Variants in CCDC73 observed in about 807,000 individuals in gnomAD.
CCDC73 encodes coiled-coil domain-containing protein 73.
A neutral mutation model predicts 116.5 loss-of-function variants in CCDC73; 95 were observed. The observed-to-expected ratio is 0.82, with a 90% confidence interval of 0.69 to 0.97. CCDC73 has a LOEUF of 0.97. Among genes scored for constraint, CCDC73 ranks in the 50% least tolerant of loss-of-function variants. The probability of loss-of-function intolerance (pLI) is 0.00; values close to 1 mark genes in which losing one functional copy is unlikely to be tolerated. For missense variants in CCDC73, 1,066 were observed against 1,206.8 expected (o/e 0.88, Z 1.73); for synonymous variants, 398 against 401.3 (o/e 0.99, Z 0.10).
At chr11:32,632,163 G>A (rs1792612102) in intron 14 of CCDC73, among the ~76,000 whole-genome samples, 1 of 152,170 alleles carries the variant, frequency 6.6e-6, no homozygotes, top group African/African-American at 2.4e-5. Flanking sequence ...CTATCTTGGT[G>A]AATATTTCAT....
At chr11:32,618,978 C>A (rs1055178972) in intron 14 of CCDC73, among the ~76,000 whole-genome samples, 2 of 152,116 alleles carry the variant, frequency 1.3e-5, no homozygotes, top group African/African-American at 4.8e-5. Flanking sequence ...CATATGTCTT[C>A]TTTTGAGAGG....
chr11:32,777,431 A>C (rs1850547775), intron 1 of CCDC73, among the ~76,000 whole-genome samples: 1 of 152,092 alleles, frequency 6.6e-6, no homozygotes, highest in Non-Finnish European at 1.5e-5. Flanking sequence ...GAAGAAATAA[A>C]AACCAGTTTT....
At chr11:32,711,695 T>C (rs922980576) in intron 3 of CCDC73, among the ~76,000 whole-genome samples, 16 of 152,104 alleles carry the variant, frequency 1.1e-4, no homozygotes, top group African/African-American at 2.7e-4. Flanking sequence ...ACCAAAATCT[T>C]GGAAATGACC....
intron 9 of CCDC73, among the ~76,000 whole-genome samples, chr11:32,662,870 T>C (rs1363206691): frequency 1.3e-5 from 2 of 152,136 alleles, no homozygotes; most frequent in Non-Finnish European, 2.9e-5. Flanking sequence ...TTGTATAAGG[T>C]GTAAGGAAGG....
chr11:32,789,361 C>T (rs985430188), intron 1 of CCDC73, among the ~76,000 whole-genome samples: 1 of 152,012 alleles, frequency 6.6e-6, no homozygotes, highest in Non-Finnish European at 1.5e-5. Flanking sequence ...GAAGAAGAAA[C>T]CTAAATCCAA....
the CCDC73 span, among the ~76,000 whole-genome samples, chr11:32,799,813 A>G: frequency 6.6e-6 from 1 of 152,226 alleles, no homozygotes; most frequent in Non-Finnish European, 1.5e-5. Flanking sequence ...GAAGTAAATG[A>G]ATAGGTTTCT....
chr11:32,607,321 T>C (rs1172049007), intron 17 of CCDC73, among the ~76,000 whole-genome samples: 1 of 151,012 alleles, frequency 6.6e-6, no homozygotes, highest in African/African-American at 2.4e-5. Context: ...CTCGATCTCC[T>C]GACCTCGTGA....
chr11:32,737,299 T>C (rs959701956), intron 2 of CCDC73, among the ~76,000 whole-genome samples: 3 of 149,250 alleles, frequency 2.0e-5, no homozygotes, highest in Non-Finnish European at 4.4e-5. Flanking sequence ...TAGGATATTT[T>C]GACACAGGCA....
intron 15 of CCDC73, 110 bp downstream of exon 15, chr11:32,615,830 A>G (rs970104354): frequency 1.9e-6 from 2 of 1,034,954 alleles, no homozygotes; most frequent in African/African-American, 1.7e-5. Flanking sequence ...GAATCCAAAA[A>G]GACTAGGAAT....
chr11:32,709,298 G>GT (rs113368045), intron 3 of CCDC73, among the ~76,000 whole-genome samples: 9,134 of 151,754 alleles, frequency 0.06, 394 homozygotes, highest in South Asian at 0.15. Flanking sequence ...TGTTGGATTT[G>GT]TTTTTTTTGT....
chr11:32,702,607 C>T (rs1421949700), intron 4 of CCDC73, among the ~76,000 whole-genome samples: 2 of 152,146 alleles, frequency 1.3e-5, no homozygotes, highest in African/African-American at 4.8e-5. Context: ...ATCCCATTCA[C>T]CTAAATTATT....
intron 6 of CCDC73, among the ~76,000 whole-genome samples, chr11:32,685,267 A>AG (rs1856186473): frequency 4.0e-5 from 1 of 25,266 alleles, no homozygotes; most frequent in Admixed American, 5.1e-4. Context: ...ACACTGGACC[A>AG]AAAAAAAAAA....
At chr11:32,820,986 T>C in the CCDC73 span, among the ~76,000 whole-genome samples, 3 of 152,216 alleles carry the variant, frequency 2.0e-5, no homozygotes, top group African/African-American at 7.2e-5. Flanking sequence ...CTGTCATATA[T>C]GTTGCAAATA....
At chr11:32,765,365 G>A (rs906763866) in intron 1 of CCDC73, among the ~76,000 whole-genome samples, 3 of 149,184 alleles carry the variant, frequency 2.0e-5, no homozygotes, top group African/African-American at 7.4e-5. Context: ...ATAGTTGGAA[G>A]TTAAGCACTC....
chr11:32,798,537 C>T (rs560559015), upstream of CCDC73, among the ~76,000 whole-genome samples: 1 of 152,342 alleles, frequency 6.6e-6, no homozygotes, highest in South Asian at 2.1e-4. Context: ...AACTCCTGGG[C>T]TCAAGTGATC....
chr11:32,685,277 A>C (rs969910008), intron 6 of CCDC73, among the ~76,000 whole-genome samples: 1 of 150,776 alleles, frequency 6.6e-6, no homozygotes, highest in African/African-American at 2.4e-5. Flanking sequence ...AAAAAAAAAA[A>C]AAAAAAAAAA....
Position 32,614,721 on chromosome 11 carries a change from A to T in CCDC73, c.1597T>A (p.Ser533Thr). The part of the protein sequence containing the change: ...EKDNGCTEFK[S>T]PNNHFVVLDT... The stretch of plus-strand genomic sequence containing the variant: ...AACACTACAAAATGATTATTTGGTG[A>T]TTTAAATTCTGTACATCCATTGTCT... The change falls in exon 16 of 18, where the codon TCA (serine) becomes ACA (threonine). Residue 533 changes from serine (S) to threonine (T), a missense_variant. Physicochemically the swap from Ser to Thr is moderately conservative, Grantham distance 58 (BLOSUM62 1). Coordinates refer to ENST00000335185, the MANE Select transcript of CCDC73 (RefSeq NM_001008391.4). 6.2e-7 allele frequency: 1 copy of T among 1,611,806 alleles called. No individual in the cohort carries two copies. Among genetic ancestry groups the T allele is most frequent in the African/African-American group, 1.3e-5 (1 of 74,940 alleles).
intron 1 of CCDC73, among the ~76,000 whole-genome samples, chr11:32,767,571 A>C (rs557539204): frequency 0.029 from 4,412 of 152,330 alleles, 86 homozygotes; most frequent in Non-Finnish European, 0.038. Context: ...CAATCTACTC[A>C]TCTGACAAAG....
intron 2 of CCDC73, among the ~76,000 whole-genome samples, chr11:32,740,805 A>G (rs1850176960): frequency 6.6e-6 from 1 of 151,714 alleles, no homozygotes; most frequent in African/African-American, 2.4e-5. Context: ...TGATGTAGAC[A>G]CTTACAGCTA....
Sources: gnomAD v4.1 joint callset for allele counts (sites outside exome capture counted in the v4.1 genomes callset) on GRCh38, gnomAD v4.1.1 for gene constraint, MANE v1.5 for transcripts, NCBI Gene and HGNC (gene_info 2026-07-23, HGNC 2026-07-21) for gene names.